The following CNOT6 variants were observed in gnomAD, a reference collection of about 807,000 sequenced individuals.
CNOT6 encodes the protein CCR4-NOT transcription complex subunit 6, also known as carbon catabolite repression 4 protein.
In CNOT6, 12 loss-of-function variants were observed where a neutral mutation model predicts 61.2. The observed-to-expected ratio is 0.20, with a 90% CI of 0.13 to 0.32. The LOEUF (loss-of-function observed/expected upper bound fraction) is 0.32, where lower values mean the gene tolerates loss of function less well. CNOT6 is among the 10% of genes least tolerant of loss of function. The pLI is 1.00. For missense variants in CNOT6, 405 were observed against 663.9 expected, an observed-to-expected ratio of 0.61 and a Z score of 4.28; for synonymous variants, 225 against 240.6, an observed-to-expected ratio of 0.94 and a Z score of 0.60.
At position 180,565,987 on chromosome 5, in the gene CNOT6, A is replaced by G. The variant is rs369990831; in HGVS notation, c.717+10A>G. 1.9e-6 allele frequency: 3 copies of G among 1,607,700 alleles called. No individual in the cohort carries two copies. In the African/African-American group the frequency reaches 4.0e-5, roughly 22 times the overall value. ...TATCGTAAGTCTTCAGGTAAGTCAG[A>G]CAGAAGACAGTCAACCTAGCATTGA... On this transcript the variant is annotated intron_variant, in intron 7 of 11. Coordinates refer to ENST00000261951, the MANE Select transcript of CNOT6 (RefSeq NM_001370472.1).
At chr5:180,558,891 A>G (rs1466274319) in intron 4 of CNOT6, among the ~76,000 whole-genome samples, 1 of 151,902 alleles carries the variant, frequency 6.6e-6, no homozygotes, top group Non-Finnish European at 1.5e-5. Context: ...CAATCCCCCC[A>G]CCTCAGCCTC....
chr5:180,499,461 T>C (rs1023889197), intron 1 of CNOT6, among the ~76,000 whole-genome samples: 3 of 152,232 alleles, frequency 2.0e-5, no homozygotes, highest in African/African-American at 7.2e-5. Context: ...GTTTTCTCTC[T>C]AGTAAATTAT....
intron 2 of CNOT6, among the ~76,000 whole-genome samples, chr5:180,542,583 A>G (rs369228043): frequency 2.0e-5 from 3 of 152,144 alleles, no homozygotes; most frequent in South Asian, 2.1e-4. Flanking sequence ...GTTTTTTTCT[A>G]TATCTGCAAA....
intron 8 of CNOT6, 95 bp from the exon 9 acceptor site, chr5:180,567,754 T>G: frequency 1.3e-6 from 2 of 1,547,910 alleles, no homozygotes; most frequent in Non-Finnish European, 1.8e-6. Flanking sequence ...CCATCGTATC[T>G]GTTAAGGAAG....
chr5:180,564,347 A>G lies in CNOT6; in HGVS notation c.386-142A>G, dbSNP rs192472236. The G allele has an allele frequency of 8.9e-4, 571 of 643,582 alleles. 1 individual carries two copies. Among genetic ancestry groups the G allele is most frequent in the African/African-American group, 7.6e-3 (411 of 54,424 alleles). 39.9% of individuals were successfully genotyped at this position (643,582 alleles called of 1,614,324 possible). On this transcript the variant is annotated intron_variant, in intron 4 of 11. Coordinates refer to ENST00000261951, the MANE Select transcript of CNOT6 (RefSeq NM_001370472.1). ...TCATTTTTACTTATATCAGAAACTGAAAAAACAATATTTTCTATAGTCTGA... is the reference window on the plus strand; with the variant it reads ...TCATTTTTACTTATATCAGAAACTGGAAAAACAATATTTTCTATAGTCTGA...
chr5:180,536,244 C>T (rs2127728396), intron 2 of CNOT6, among the ~76,000 whole-genome samples: 1 of 152,032 alleles, frequency 6.6e-6, no homozygotes, highest in East Asian at 1.9e-4. Context: ...TGTGATCCGC[C>T]TGCCTTGGCC....
At chr5:180,536,636 G>T (rs145155070) in intron 2 of CNOT6, among the ~76,000 whole-genome samples, 14 of 151,806 alleles carry the variant, frequency 9.2e-5, no homozygotes, top group African/African-American at 2.7e-4. Flanking sequence ...TTGGAGACAG[G>T]ATCTCACTTT....
At chr5:180,551,111 A>C (rs543944699) in intron 3 of CNOT6, among the ~76,000 whole-genome samples, 1 of 151,666 alleles carries the variant, frequency 6.6e-6, no homozygotes, top group South Asian at 2.1e-4. Context: ...TGAGTGGCTG[A>C]GGCGGGCTGA....
chr5:180,546,044 CAG>C (rs1759298292), intron 2 of CNOT6, among the ~76,000 whole-genome samples: 1 of 151,088 alleles, frequency 6.6e-6, no homozygotes, highest in Admixed American at 6.6e-5. Context: ...TTTTTTTAGA[CAG>C]AGTCTTGCTT....
At chr5:180,563,286 G>A (rs908391647) in intron 4 of CNOT6, among the ~76,000 whole-genome samples, 1 of 151,362 alleles carries the variant, frequency 6.6e-6, no homozygotes, top group Non-Finnish European at 1.5e-5. Flanking sequence ...CGCGATCTTG[G>A]CTCACTGCAA....
At chr5:180,566,889 A>G (rs997271721) in intron 7 of CNOT6, among the ~76,000 whole-genome samples, 199 bp from the exon 8 acceptor site, 3 of 151,890 alleles carry the variant, frequency 2.0e-5, no homozygotes, top group Non-Finnish European at 4.4e-5. Flanking sequence ...CCTGGGCTCT[A>G]GTGATCCGCC....
At chr5:180,570,655 C>T (rs781535327) in intron 10 of CNOT6, among the ~76,000 whole-genome samples, 1 of 152,152 alleles carries the variant, frequency 6.6e-6, no homozygotes, top group South Asian at 2.1e-4. Context: ...AGAAAATGTC[C>T]AGCCTTGCTA....
At chr5:180,506,758 A>C (rs114919437) in intron 1 of CNOT6, among the ~76,000 whole-genome samples, 1 of 152,146 alleles carries the variant, frequency 6.6e-6, no homozygotes, top group Non-Finnish European at 1.5e-5. Context: ...TCTTATTCCT[A>C]GTAAGATAGG....
At chr5:180,509,319 C>T (rs1757277589) in intron 1 of CNOT6, among the ~76,000 whole-genome samples, 1 of 151,830 alleles carries the variant, frequency 6.6e-6, no homozygotes. Context: ...TTTTTTTCTA[C>T]AGACCAGGTT....
Position 180,527,752 on chromosome 5 carries a change from A to G in CNOT6, c.-2-1523A>G, listed in dbSNP as rs567942422. On this transcript the variant is annotated intron_variant, in intron 1 of 11. Coordinates refer to ENST00000261951, the MANE Select transcript of CNOT6 (RefSeq NM_001370472.1). Reference sequence around the variant, plus strand: ...CATTGGGTTTAGGTCTTGTAGCCCAAGGGTTCTCAACCCTGGTACTCGTCC... The same window carrying G: ...CATTGGGTTTAGGTCTTGTAGCCCAGGGGTTCTCAACCCTGGTACTCGTCC... Among the ~76,000 whole-genome samples, 5 of 152,302 alleles carry G rather than the reference A, an allele frequency of 3.3e-5. No homozygotes were observed. In the South Asian group the frequency reaches 1.0e-3, roughly 32 times the overall value.
At chr5:180,535,635 T>C (rs550613184) in intron 2 of CNOT6, among the ~76,000 whole-genome samples, 2 of 152,356 alleles carry the variant, frequency 1.3e-5, no homozygotes, top group South Asian at 4.1e-4. Flanking sequence ...AGGTTATCTT[T>C]TTGACATGAT....
chr5:180,548,624 G>T (rs1759433452), intron 2 of CNOT6, among the ~76,000 whole-genome samples: 1 of 152,090 alleles, frequency 6.6e-6, no homozygotes, highest in African/African-American at 2.4e-5. Flanking sequence ...ACAGTTATAG[G>T]GTCTACCCTG....
chr5:180,547,350 T>C (rs905688113), intron 2 of CNOT6, among the ~76,000 whole-genome samples: 1 of 151,866 alleles, frequency 6.6e-6, no homozygotes, highest in African/African-American at 2.4e-5. Context: ...TGAAACCCCA[T>C]CTCTACTAAA....
At chr5:180,530,932 T>C (rs2127722024) in intron 2 of CNOT6, among the ~76,000 whole-genome samples, 1 of 152,358 alleles carries the variant, frequency 6.6e-6, no homozygotes, top group Non-Finnish European at 1.5e-5. Context: ...TTTTTCTTAG[T>C]ACAGAACAAA....
Sources: gnomAD v4.1 joint callset for allele counts (sites outside exome capture counted in the v4.1 genomes callset) on GRCh38, gnomAD v4.1.1 for gene constraint, MANE v1.5 for transcripts, NCBI Gene and HGNC (gene_info 2026-07-23, HGNC 2026-07-21) for gene names.